The following HTR2A variants were observed in gnomAD, a reference collection of about 807,000 sequenced individuals.
HTR2A encodes the protein 5-hydroxytryptamine receptor 2A.
HTR2A carries 14 observed loss-of-function variants against 31.0 expected under a neutral mutation model. That is an observed-to-expected ratio of 0.45 (90% CI 0.30 to 0.71). The LOEUF is 0.71. HTR2A is among the 30% of genes least tolerant of loss of function. The pLI is 0.09. For missense variants in HTR2A, 442 were observed against 573.3 expected (o/e 0.77, Z 2.34); for synonymous variants, 209 against 225.2 (o/e 0.93, Z 0.64).
At chr13:46,878,246 A>G (rs1033568036) in intron 3 of HTR2A, among the ~76,000 whole-genome samples, 18 of 152,184 alleles carry the variant, frequency 1.2e-4, no homozygotes, top group African/African-American at 4.3e-4. Context: ...GATCTAGGAA[A>G]CAGTGAGCAA....
At chr13:46,858,633 AAAT>A (rs1950757265) in intron 3 of HTR2A, among the ~76,000 whole-genome samples, 1 of 152,016 alleles carries the variant, frequency 6.6e-6, no homozygotes, top group South Asian at 2.1e-4. Context: ...AGACCAGTTA[AAAT>A]AATCTAGTTT....
At chr13:46,872,144 T>C (rs2138228115) in intron 3 of HTR2A, among the ~76,000 whole-genome samples, 1 of 152,282 alleles carries the variant, frequency 6.6e-6, no homozygotes, top group East Asian at 1.9e-4. Flanking sequence ...AAAGATAATG[T>C]GAGAGAAAAT....
chr13:46,852,243 T>C (rs950914826), intron 3 of HTR2A: 3 of 152,292 alleles, frequency 2.0e-5, no homozygotes, highest in African/African-American at 7.2e-5. Context: ...AATAAATTTG[T>C]GTTGTTTTAA....
rs957122580 is a variant in HTR2A at position 46,832,716 on chromosome 13, A to G, written c.*2121T>C. On this transcript the variant is annotated 3_prime_UTR_variant, in exon 4 of 4. Coordinates refer to ENST00000542664, the MANE Select transcript of HTR2A (RefSeq NM_000621.5). ...ATACATTCTATCTTTGAAACAGTGA[A>G]CCATCTTTCAACATATCTATGAGGA... 4 of 152,182 alleles carry G rather than the reference A, an allele frequency of 2.6e-5. No homozygotes were observed. The highest frequency in any genetic ancestry group is 5.9e-5 in the Non-Finnish European group (4 of 68,014). The allele number at this position is 152,182 out of a possible 1,614,324, so 9.4% of individuals were successfully genotyped here.
intron 3 of HTR2A, chr13:46,855,983 A>G (rs1175557779): frequency 1.3e-5 from 2 of 152,208 alleles, no homozygotes; most frequent in African/African-American, 2.4e-5. Context: ...GTGTTCTTTG[A>G]CATTCCAAAA....
In HTR2A at chr13:46,833,713, T is replaced by C. The variant is rs1471908379; in HGVS notation, c.*1124A>G. On this transcript the variant is annotated 3_prime_UTR_variant, in exon 4 of 4. Transcript: ENST00000542664. ...GGATTTTGTTTTAATTATTTTTATA[T>C]TTCTCATATCTAGAAATTTGCTTCA... 2.6e-5 allele frequency: 4 copies of C among 152,198 alleles called. No individual in the cohort carries two copies. The highest frequency in any genetic ancestry group is 5.9e-5 in the Non-Finnish European group (4 of 68,040). The allele number at this position is 152,198 out of a possible 1,614,324, so 9.4% of individuals were successfully genotyped here.
chr13:46,893,159 T>G (rs1211932580), intron 2 of HTR2A, among the ~76,000 whole-genome samples: 1 of 152,216 alleles, frequency 6.6e-6, no homozygotes, highest in East Asian at 1.9e-4. Context: ...CTAATAATGC[T>G]TTGGGTGCCA....
At chr13:46,864,604 T>C (rs1025312120) in intron 3 of HTR2A, among the ~76,000 whole-genome samples, 1 of 152,198 alleles carries the variant, frequency 6.6e-6, no homozygotes, top group Admixed American at 6.5e-5. Flanking sequence ...AGGATCCTCC[T>C]CCTCCAACTT....
At chr13:46,854,451 A>G (rs1329524135) in intron 3 of HTR2A, among the ~76,000 whole-genome samples, 2 of 152,204 alleles carry the variant, frequency 1.3e-5, no homozygotes, top group Admixed American at 1.3e-4. Flanking sequence ...CTTTTATTAG[A>G]TTTTTATATT....
chr13:46,844,953 C>A (rs1472723912), intron 3 of HTR2A, among the ~76,000 whole-genome samples: 1 of 151,886 alleles, frequency 6.6e-6, no homozygotes, highest in Non-Finnish European at 1.5e-5. Context: ...TTACTTAGCA[C>A]TATGTGAGAC....
intron 3 of HTR2A, among the ~76,000 whole-genome samples, chr13:46,884,827 CAT>C (rs71077931): frequency 1.3e-4 from 20 of 151,214 alleles, no homozygotes; most frequent in East Asian, 7.7e-4. Context: ...TGTATGTATA[CAT>C]ATATATATAT....
rs1217651912 is a variant in HTR2A at position 46,896,159 on chromosome 13, G to A, written c.-253C>T. The A allele has an allele frequency of 1.3e-5, 16 of 1,220,420 alleles. No homozygotes were observed. The highest frequency in any genetic ancestry group is 1.6e-5 in the African/African-American group (1 of 64,088). The allele number at this position is 1,220,420 out of a possible 1,614,324, so 75.6% of individuals were successfully genotyped here. On this transcript the variant is annotated 5_prime_UTR_variant, in exon 2 of 4. Transcript: ENST00000542664. Reference sequence around the variant, plus strand: ...GGTTTTATTATTTTCTCACCAAACCGAGGACAAAAAAGCAGAATGAACTTT... The same window carrying A: ...GGTTTTATTATTTTCTCACCAAACCAAGGACAAAAAAGCAGAATGAACTTT...
At chr13:46,844,781 C>A (rs1265003925) in intron 3 of HTR2A, among the ~76,000 whole-genome samples, 1 of 152,120 alleles carries the variant, frequency 6.6e-6, no homozygotes, top group Non-Finnish European at 1.5e-5. Flanking sequence ...AGCTGGGTGA[C>A]CTTAGGCTGC....
intron 3 of HTR2A, among the ~76,000 whole-genome samples, chr13:46,887,269 A>C (rs1330895237): frequency 6.6e-6 from 1 of 151,804 alleles, no homozygotes; most frequent in African/African-American, 2.4e-5. Flanking sequence ...AATACAAAAA[A>C]AAATTTAGCC....
chr13:46,842,815 C>T (rs1047008546), intron 3 of HTR2A, among the ~76,000 whole-genome samples: 15 of 152,178 alleles, frequency 9.9e-5, no homozygotes, highest in Non-Finnish European at 1.8e-4. Flanking sequence ...GCCCCCAAGT[C>T]CTGCCTCCTC....
chr13:46,878,417 T>TG (rs1289436826), intron 3 of HTR2A, among the ~76,000 whole-genome samples: 2 of 152,018 alleles, frequency 1.3e-5, no homozygotes, highest in Non-Finnish European at 2.9e-5. Context: ...CTGAGAAGTG[T>TG]GGGGGACTTC....
chr13:46,874,458 T>C (rs186521008), intron 3 of HTR2A, among the ~76,000 whole-genome samples: 65 of 152,362 alleles, frequency 4.3e-4, no homozygotes, highest in African/African-American at 1.4e-3. Context: ...TTCTCACTTA[T>C]TCAGTCATTC....
chr13:46,883,293 G>A (rs996952813), intron 3 of HTR2A, among the ~76,000 whole-genome samples: 3 of 126,594 alleles, frequency 2.4e-5, no homozygotes, highest in African/African-American at 8.5e-5. Flanking sequence ...AGGTGTCACA[G>A]CTTGAGGGGA....
At chr13:46,843,311 A>G (rs892233559) in intron 3 of HTR2A, among the ~76,000 whole-genome samples, 4 of 152,226 alleles carry the variant, frequency 2.6e-5, no homozygotes, top group Non-Finnish European at 4.4e-5. Flanking sequence ...TAGAAAAAAC[A>G]TAGTATATAT....
Sources: allele counts gnomAD v4.1 joint callset (sites outside exome capture counted in the v4.1 genomes callset), GRCh38; gene constraint gnomAD v4.1.1; transcripts MANE v1.5; gene names NCBI Gene and HGNC (gene_info 2026-07-23, HGNC 2026-07-21).